The following CLCN3 variants were observed in gnomAD, a reference collection of about 807,000 sequenced individuals.
The protein encoded by CLCN3 is Cl-/H+ antiporter 3.
In CLCN3, 16 loss-of-function variants were observed where a neutral mutation model predicts 83.4. The ratio of observed to expected loss-of-function variants is 0.19; its 90% CI spans 0.13 to 0.29. The LOEUF (loss-of-function observed/expected upper bound fraction) is 0.29. CLCN3 is among the 10% of genes least tolerant of loss of function. The pLI is 1.00. For missense variants in CLCN3, 544 were observed against 1,006.0 expected (o/e 0.54, Z 6.21); for synonymous variants, 322 against 346.2 (o/e 0.93, Z 0.78).
Position 169,624,381 on chromosome 4 carries a change from G to A in CLCN3, c.-17+3318G>A, listed in dbSNP as rs377141152. The stretch of plus-strand genomic sequence containing the variant: ...ACTCCTGACCTGAGGTGATCGACCC[G>A]CCTCGGCCACCCAAAGTGCTGGGAT... On this transcript the variant is annotated intron_variant, in intron 1 of 12. Transcript: ENST00000513761. Among the ~76,000 whole-genome samples the A allele has an allele frequency of 1.2e-4, 18 of 152,066 alleles. 1 individual carries two copies. The highest frequency in any genetic ancestry group is 4.1e-4 in the African/African-American group (17 of 41,460).
chr4:169,685,306 C>T (rs11727855), intron 3 of CLCN3, among the ~76,000 whole-genome samples: 13,037 of 152,088 alleles, frequency 0.086, 589 homozygotes, highest in African/African-American at 0.1. Flanking sequence ...AGTATTTCCA[C>T]GGTTCCAAAG....
rs140263848 is a variant in CLCN3 at position 169,646,253 on chromosome 4, A to G, written c.160+10165A>G. The stretch of plus-strand genomic sequence containing the variant: ...TCTATTCAACATATTCACTGCTCAT[A>G]TTTTATACCTTTTAGGAGTCTTTTT... On this transcript the variant is annotated intron_variant, in intron 2 of 12. Coordinates refer to ENST00000513761, the MANE Select transcript of CLCN3 (RefSeq NM_001829.4). Among the ~76,000 whole-genome samples the G allele has an allele frequency of 3.9e-5, 6 of 152,102 alleles. No individual in the cohort carries two copies. In the East Asian group the frequency reaches 1.2e-3, roughly 29 times the overall value.
At chr4:169,704,731 C>T (rs575389746) in intron 10 of CLCN3, among the ~76,000 whole-genome samples, 1 of 152,220 alleles carries the variant, frequency 6.6e-6, no homozygotes, top group East Asian at 1.9e-4. Context: ...ACATTAAGTA[C>T]TTGAGTCTAT....
intron 2 of CLCN3, among the ~76,000 whole-genome samples, chr4:169,659,667 T>C (rs7678428): frequency 0.21 from 28,117 of 131,306 alleles, 3,328 homozygotes; most frequent in African/African-American, 0.39. Flanking sequence ...ACTATTCAAC[T>C]CTTCAGTTAT....
At chr4:169,623,882 TATATATA>T (rs1469745633) in intron 1 of CLCN3, among the ~76,000 whole-genome samples, 1 of 152,252 alleles carries the variant, frequency 6.6e-6, no homozygotes, top group Non-Finnish European at 1.5e-5. Context: ...TTCCATTCTG[TATATATA>T]TTACATTTTC....
intron 12 of CLCN3, among the ~76,000 whole-genome samples, chr4:169,718,956 T>G (rs1250158277): frequency 6.6e-6 from 1 of 152,216 alleles, no homozygotes; most frequent in Non-Finnish European, 1.5e-5. Flanking sequence ...ATCTTAACTT[T>G]CCTGGCCTAA....
chr4:169,718,248 G>A (rs1733499685), intron 12 of CLCN3, among the ~76,000 whole-genome samples: 7 of 150,500 alleles, frequency 4.7e-5, no homozygotes, highest in South Asian at 4.2e-4. Context: ...ACCCATCCCC[G>A]CAAGCCCTTT....
At chr4:169,673,617 G>C (rs1296553133) in intron 2 of CLCN3, among the ~76,000 whole-genome samples, 2 of 151,660 alleles carry the variant, frequency 1.3e-5, no homozygotes, top group Admixed American at 1.3e-4. Flanking sequence ...TATTTCTTCA[G>C]CTCTACCCAG....
chr4:169,666,979 A>T (rs1731265985), intron 2 of CLCN3, among the ~76,000 whole-genome samples: 1 of 152,244 alleles, frequency 6.6e-6, no homozygotes, highest in African/African-American at 2.4e-5. Flanking sequence ...GCTAGATAAC[A>T]GTGGCCTCTA....
intron 3 of CLCN3, chr4:169,680,429 C>A: frequency 1.8e-5 from 7 of 385,264 alleles, no homozygotes; most frequent in Non-Finnish European, 2.8e-5. Flanking sequence ...AGCTAAAAAA[C>A]AAAGAAATAC....
At chr4:169,659,372 T>A (rs1208652924) in intron 2 of CLCN3, among the ~76,000 whole-genome samples, 1 of 152,210 alleles carries the variant, frequency 6.6e-6, no homozygotes, top group Non-Finnish European at 1.5e-5. Context: ...ATTTCTGAAT[T>A]TTATAACAAT....
chr4:169,694,027 C>G (rs950044403), intron 7 of CLCN3, among the ~76,000 whole-genome samples: 3 of 151,840 alleles, frequency 2.0e-5, no homozygotes, highest in African/African-American at 7.3e-5. Context: ...TTATAGATAC[C>G]TAGGTGTTAG....
At chr4:169,710,140 A>G (rs1002627590) in intron 11 of CLCN3, among the ~76,000 whole-genome samples, 9 of 152,206 alleles carry the variant, frequency 5.9e-5, no homozygotes, top group African/African-American at 2.2e-4. Flanking sequence ...AATTGTATGT[A>G]TGTTTATGTG....
intron 1 of CLCN3, among the ~76,000 whole-genome samples, chr4:169,622,532 G>T (rs572526886): frequency 6.6e-6 from 1 of 152,254 alleles, no homozygotes; most frequent in East Asian, 1.9e-4. Context: ...TGTCAGCAGT[G>T]ATCTAAAATG....
chr4:169,688,159 C>T (rs1325013968), intron 4 of CLCN3, among the ~76,000 whole-genome samples: 1 of 152,200 alleles, frequency 6.6e-6, no homozygotes, highest in East Asian at 1.9e-4. Flanking sequence ...CCAGTGCTGT[C>T]ATTATCACCA....
At chr4:169,624,429 G>A (rs530126694) in intron 1 of CLCN3, among the ~76,000 whole-genome samples, 1 of 152,094 alleles carries the variant, frequency 6.6e-6, no homozygotes, top group East Asian at 1.9e-4. Flanking sequence ...CCACCGTGCC[G>A]AGCCAATTTT....
chr4:169,669,704 C>G (rs980900909), intron 2 of CLCN3, among the ~76,000 whole-genome samples: 2 of 152,248 alleles, frequency 1.3e-5, no homozygotes, highest in South Asian at 2.1e-4. Flanking sequence ...TTTAATAGTT[C>G]TAACCTCTTG....
intron 1 of CLCN3, among the ~76,000 whole-genome samples, chr4:169,626,174 G>T (rs1233010522): frequency 6.6e-6 from 1 of 152,186 alleles, no homozygotes; most frequent in Non-Finnish European, 1.5e-5. Flanking sequence ...GCAGCTCACA[G>T]AACTCAGAGA....
intron 2 of CLCN3, among the ~76,000 whole-genome samples, chr4:169,653,144 C>T (rs191098501): frequency 6.6e-6 from 1 of 152,214 alleles, no homozygotes; most frequent in East Asian, 1.9e-4. Context: ...TAAAAAACGT[C>T]CCTACCCTGA....
Sources: allele counts gnomAD v4.1 joint callset (sites outside exome capture counted in the v4.1 genomes callset), GRCh38; gene constraint gnomAD v4.1.1; transcripts MANE v1.5; gene names NCBI Gene and HGNC (gene_info 2026-07-23, HGNC 2026-07-21).